FLT4: variants seen among roughly 807,000 people sequenced by gnomAD.
FLT4 encodes vascular endothelial growth factor receptor 3.
In FLT4, 30 loss-of-function variants were observed where a neutral mutation model predicts 163.2. The ratio of observed to expected loss-of-function variants is 0.18; its 90% CI spans 0.14 to 0.25. FLT4 has a LOEUF of 0.25. Ranked by LOEUF, FLT4 falls within the 10% of genes least tolerant of loss-of-function variation. FLT4 has a pLI of 1.00. For synonymous variants in FLT4, 884 were observed against 789.5 expected (o/e 1.12, Z -2.01); for missense variants, 1,510 against 1,863.8 (o/e 0.81, Z 3.50).
At chr5:180,644,332 CG>C (rs1229193233) in intron 1 of FLT4, among the ~76,000 whole-genome samples, 1 of 152,170 alleles carries the variant, frequency 6.6e-6, no homozygotes, top group Non-Finnish European at 1.5e-5. Context: ...AGGGGCACGC[CG>C]GGCGTGTGGT....
rs1025131555 is a variant in FLT4 at position 180,618,725 on chromosome 5, C to T, written c.3001+45G>A. 9 of 1,561,434 alleles carry T rather than the reference C, an allele frequency of 5.8e-6. No homozygotes were observed. The African/African-American group carries it at 1.1e-4, about 19-fold the overall frequency. ...GGGGTGCCTGATCACGGGATATAAC[C>T]GGGCCCGTCAGGCACTAGGAAAAGG... On this transcript the variant is annotated intron_variant, in intron 21 of 29. Transcript: ENST00000261937.
Position 180,620,230 on chromosome 5 carries a change from C to G in FLT4, c.2485G>C (p.Glu829Gln), listed in dbSNP as rs1763020084. 1 of 1,611,674 alleles carries G rather than the reference C, an allele frequency of 6.2e-7. No homozygotes were observed. The highest frequency in any genetic ancestry group is 1.1e-5 in the South Asian group (1 of 91,068). ...PGEVPLEEQCEYLSYDASQWE... is the reference protein window; with the variant it reads ...PGEVPLEEQCQYLSYDASQWE... ...TGGCTGGCATCGTAGGACAGGTATT[C>G]GCATTGCTCCTCCAGAGGCACCTCC... Residue 829 changes from glutamate (E) to glutamine (Q), a missense_variant, in exon 17 of 30, where the codon GAA (glutamate) becomes CAA (glutamine). Transcript: ENST00000261937. This position sits in a 1 kb window ranked among gnomAD's most constrained non-coding sequence, Gnocchi z 4.4.
Position 180,626,012 on chromosome 5 carries a change from C to T in FLT4, c.1278G>A (p.Glu426=), listed in dbSNP as rs1763575220. ...LVVNVPPQIH[E]KEASSPSIYS... ...AGATGCTGGGGGAGGAGGCCTCCTT[C>T]TCATGTATCTGGGGGGGCACTGTGG... The change falls in exon 10 of 30, where the codon GAG becomes GAA. Residue 426 remains glutamate, a synonymous_variant. Coordinates refer to ENST00000261937, the MANE Select transcript of FLT4 (RefSeq NM_182925.5). 6.2e-7 allele frequency: 1 copy of T among 1,612,720 alleles called. No individual in the cohort carries two copies. The highest frequency in any genetic ancestry group is 1.1e-5 in the South Asian group (1 of 91,082).
intron 29 of FLT4, chr5:180,608,332 T>TATC: frequency 1.4e-6 from 1 of 700,870 alleles, no homozygotes; most frequent in Non-Finnish European, 2.6e-6. Flanking sequence ...TGCTTCACCT[T>TATC]ATCAATCACT....
rs559079273 is a variant in FLT4, at chr5:180,602,118, T to C, written c.*1074A>G. On this transcript the variant is annotated 3_prime_UTR_variant, in exon 30 of 30. Transcript: ENST00000261937. The stretch of plus-strand genomic sequence containing the variant: ...TGTCAGGCACAGGGCAGGAAAAGGC[T>C]GAAGGCAGGTCCCCAGAATGTCCAC... 1 of 233,758 alleles carries C rather than the reference T, an allele frequency of 4.3e-6. No individual in the cohort carries two copies. The allele number at this position is 233,758 out of a possible 1,614,324, so 14.5% of individuals were successfully genotyped here. A position where few individuals can be genotyped will look rare whatever the true frequency, so the allele number is the denominator to read the frequency against.
chr5:180,636,976 T>TC lies in FLT4; in HGVS notation c.59-5199dup, dbSNP rs1027434101. ...AGCACAAGGCCCCCACAGGAGCTCC[T>TC]CCCCCCCATTTTCCTGGGTGCACAC... On this transcript the variant is annotated intron_variant, in intron 1 of 29. Coordinates refer to ENST00000261937, the MANE Select transcript of FLT4 (RefSeq NM_182925.5). The surrounding 1 kb of genome is among the most constrained non-coding windows in gnomAD (Gnocchi z 4.3). Among the ~76,000 whole-genome samples the TC allele has an allele frequency of 1.3e-5, 2 of 150,976 alleles. No individual in the cohort carries two copies. Among genetic ancestry groups the TC allele is most frequent in the Middle Eastern group, 3.4e-3 (1 of 290 alleles).
At position 180,612,807 on chromosome 5, in the gene FLT4, C is replaced by T. The variant is rs76899361; in HGVS notation, c.3432-196G>A. 4.2e-4 allele frequency among the ~76,000 whole-genome samples: 64 copies of T among 152,244 alleles called. 1 individual carries two copies. In the East Asian group the frequency reaches 9.1e-3, roughly 22 times the overall value. ...CCTGGTGATGCTTTCCCTGAACACT[C>T]GGCTCTGTTCCGACAGCGCCCGGCC... On this transcript the variant is annotated intron_variant, in intron 25 of 29. Transcript: ENST00000261937.
Position 180,614,119 on chromosome 5 carries a change from G to A in FLT4, c.3280C>T (p.Gln1094Ter). The change falls in exon 24 of 30, where the codon CAG becomes TAG. Residue 1094 changes from glutamine to a stop codon, truncating the protein, a stop_gained. Coordinates refer to ENST00000261937, the MANE Select transcript of FLT4 (RefSeq NM_182925.5). LOFTEE classifies it high-confidence loss of function. ...ESIFDKVYTTQSDVWSFGVLL... is the reference protein window; with the variant it reads ...ESIFDKVYTT Reference sequence around the variant, plus strand: ...ACCCCAAAGGACCACACGTCACTCTGCGTGGTGTACACCTTGTCGAAGATG... The same window carrying A: ...ACCCCAAAGGACCACACGTCACTCTACGTGGTGTACACCTTGTCGAAGATG... The A allele has an allele frequency of 6.2e-7, 1 of 1,614,168 alleles. No individual in the cohort carries two copies. The highest frequency in any genetic ancestry group is 8.5e-7 in the Non-Finnish European group (1 of 1,179,996).
upstream of FLT4, chr5:180,649,742 T>C (rs1765656651): frequency 5.7e-6 from 1 of 175,756 alleles, no homozygotes; most frequent in Admixed American, 6.3e-5. Context: ...ACCCGAGCAG[T>C]GCGCGCTCCG....
At chr5:180,622,871 C>T in intron 11 of FLT4, 32 bp from the exon 12 acceptor site, 2 of 1,492,314 alleles carry the variant, frequency 1.3e-6, no homozygotes, top group Non-Finnish European at 1.9e-6. Flanking sequence ...GATCCATTTC[C>T]TGCCCAAGTT....
intron 2 of FLT4, among the ~76,000 whole-genome samples, chr5:180,631,219 A>G (rs1764102181): frequency 2.0e-5 from 3 of 151,980 alleles, no homozygotes; most frequent in Admixed American, 2.0e-4. Flanking sequence ...CACGCCTGTA[A>G]TCCCAGCACT....
At chr5:180,611,832 C>T (rs1367207158) in intron 26 of FLT4, 4 of 383,786 alleles carry the variant, frequency 1.0e-5, no homozygotes, top group Non-Finnish European at 2.0e-5. Context: ...GTTCTCCCAA[C>T]AGCCCTTCCA....
intron 1 of FLT4, among the ~76,000 whole-genome samples, chr5:180,646,457 T>C (rs530193084): frequency 1.2e-4 from 18 of 152,282 alleles, no homozygotes; most frequent in South Asian, 1.0e-3. Context: ...ACATTCACCA[T>C]CTGGACTTGC....
At chr5:180,631,408 G>A (rs567530074) in intron 2 of FLT4, among the ~76,000 whole-genome samples, 7 of 152,194 alleles carry the variant, frequency 4.6e-5, no homozygotes, top group Admixed American at 3.3e-4. Context: ...GGGAGGCAGA[G>A]CTTGCAGTGA....
At chr5:180,646,916 T>C (rs1159157403) in intron 1 of FLT4, among the ~76,000 whole-genome samples, 1 of 152,216 alleles carries the variant, frequency 6.6e-6, no homozygotes, top group Non-Finnish European at 1.5e-5. Context: ...ACACTGGCTC[T>C]GTGCCATAGG....
chr5:180,605,811 C>G (rs1018267431), intron 29 of FLT4, among the ~76,000 whole-genome samples: 2 of 152,226 alleles, frequency 1.3e-5, no homozygotes, highest in African/African-American at 4.8e-5. Flanking sequence ...GTTTCCTGAT[C>G]TCCTTCCACC....
intron 28 of FLT4, 60 bp downstream of exon 28, chr5:180,609,845 C>A: frequency 6.2e-7 from 1 of 1,605,852 alleles, no homozygotes; most frequent in Non-Finnish European, 8.5e-7. Context: ...GACGCTGCCT[C>A]CCCTGAGGCG....
rs771078394 is a variant in FLT4 at position 180,618,752 on chromosome 5, A to G, written c.3001+18T>C. ...GGCCCGTCAGGCACTAGGAAAAGGG[A>G]AGAGGCCAGGCTCTCACCTTCTTGG... is the stretch of plus-strand genomic sequence containing the variant. On this transcript the variant is annotated intron_variant, in intron 21 of 29. Transcript: ENST00000261937. 3 of 1,581,092 alleles carry G rather than the reference A, an allele frequency of 1.9e-6. No homozygotes were observed. In the South Asian group the frequency reaches 3.5e-5, roughly 18 times the overall value.
At chr5:180,626,863 A>G (rs1266430875) in intron 8 of FLT4, among the ~76,000 whole-genome samples, 1 of 152,000 alleles carries the variant, frequency 6.6e-6, no homozygotes, top group Non-Finnish European at 1.5e-5. Context: ...TGGGACACTC[A>G]TTTCTGTAGC....
Sources: gnomAD v4.1 joint callset for allele counts (sites outside exome capture counted in the v4.1 genomes callset) on GRCh38, gnomAD v4.1.1 for gene constraint, Gnocchi (gnomAD v3.1) non-coding constraint, MANE v1.5 for transcripts, NCBI Gene and HGNC (gene_info 2026-07-23, HGNC 2026-07-21) for gene names.